The following DOCK9 variants were observed in gnomAD, a reference collection of about 807,000 sequenced individuals.
DOCK9 encodes dedicator of cytokinesis 9, also known as dedicator of cytokinesis protein 9.
Under a neutral mutation model 263.3 loss-of-function variants are expected in DOCK9, and 89 were observed. The observed-to-expected ratio is 0.34, with a 90% CI of 0.28 to 0.40. DOCK9 has a LOEUF of 0.40. Ranked by LOEUF, DOCK9 falls within the 10% of genes least tolerant of loss-of-function variation. The pLI, the probability that DOCK9 is intolerant of heterozygous loss-of-function variation, is 1.00. For synonymous variants in DOCK9, 976 were observed against 973.1 expected (o/e 1.00, Z -0.06); for missense variants, 2,140 against 2,603.4 (o/e 0.82, Z 3.87).
At chr13:99,029,375 CT>C (rs1887098142) in intron 1 of DOCK9, among the ~76,000 whole-genome samples, 2 of 152,160 alleles carry the variant, frequency 1.3e-5, no homozygotes, top group African/African-American at 4.8e-5. Context: ...TTAGTATTTG[CT>C]TTTTATCTTT....
chr13:98,794,816 TGTGTGACACAATGTTACCAA>T lies in DOCK9; in HGVS notation c.6157-88_6157-69del, dbSNP rs2089148486. ...TACCATATGCAATGCCATGTTGCCA[TGTGTGACACAATGTTACCAA>T]GTGTAACAAAATGTTACAGAGTTTA... is the stretch of plus-strand genomic sequence containing the variant. On this transcript the variant is annotated intron_variant, in intron 52 of 52. Transcript: ENST00000682017. 2.6e-6 allele frequency: 4 copies of T among 1,556,010 alleles called. No homozygotes were observed. In the African/African-American group the frequency reaches 5.4e-5, roughly 21 times the overall value.
chr13:98,956,043 C>A (rs1246731451), intron 1 of DOCK9, among the ~76,000 whole-genome samples: 2 of 152,206 alleles, frequency 1.3e-5, no homozygotes, highest in Admixed American at 1.3e-4. Context: ...CCCTGCCTAT[C>A]CCCAGATATC....
chr13:98,822,695 A>AC (rs2092343541), intron 45 of DOCK9, among the ~76,000 whole-genome samples: 1 of 151,818 alleles, frequency 6.6e-6, no homozygotes, highest in Non-Finnish European at 1.5e-5. Flanking sequence ...AAACAAACAA[A>AC]AAAGACCATC....
chr13:98,950,867 G>A (rs2057330225), intron 2 of DOCK9, among the ~76,000 whole-genome samples: 4 of 152,136 alleles, frequency 2.6e-5, no homozygotes, highest in Admixed American at 2.6e-4. Flanking sequence ...CCCACCAACA[G>A]GACCATCTGG....
chr13:98,851,656 A>G (rs574010080), intron 35 of DOCK9, among the ~76,000 whole-genome samples: 3 of 152,354 alleles, frequency 2.0e-5, no homozygotes, highest in Admixed American at 6.5e-5. Flanking sequence ...TGCTCATTAA[A>G]TGTGGAATAA....
At chr13:98,915,279 A>G (rs765905156) in intron 8 of DOCK9, 50 bp downstream of exon 8, 2 of 1,560,648 alleles carry the variant, frequency 1.3e-6, no homozygotes, top group Non-Finnish European at 8.6e-7. Context: ...GGCAAAAATA[A>G]AGACACCCAC....
At chr13:98,858,456 A>AGATGTAAGG (rs1354927196) in intron 33 of DOCK9, 1 of 152,198 alleles carries the variant, frequency 6.6e-6, no homozygotes, top group Non-Finnish European at 1.5e-5. Context: ...CTTCTAACAG[A>AGATGTAAGG]GATGTAAGGA....
chr13:99,048,083 G>A (rs1437225532), intron 1 of DOCK9, among the ~76,000 whole-genome samples: 2 of 152,184 alleles, frequency 1.3e-5, no homozygotes, highest in Non-Finnish European at 2.9e-5. Flanking sequence ...ACTGATGTCC[G>A]ATGACAGTTC....
chr13:99,060,247 T>C (rs530898389), intron 1 of DOCK9, among the ~76,000 whole-genome samples: 1 of 151,892 alleles, frequency 6.6e-6, no homozygotes, highest in Non-Finnish European at 1.5e-5. Flanking sequence ...CTAAATTTTT[T>C]TGTATTTTTT....
intron 1 of DOCK9, among the ~76,000 whole-genome samples, chr13:99,076,797 C>G (rs183801313): frequency 6.6e-6 from 1 of 151,854 alleles, no homozygotes; most frequent in Non-Finnish European, 1.5e-5. Flanking sequence ...CCAGGCCCTG[C>G]GAAAACCACG....
At chr13:98,812,188 AT>A (rs1252406635) in intron 45 of DOCK9, among the ~76,000 whole-genome samples, 4 of 47,048 alleles carry the variant, frequency 8.5e-5, no homozygotes, top group East Asian at 9.7e-4. Context: ...TTTTTAAGGG[AT>A]TTTTTTTCAG....
rs190761498 is a variant in DOCK9 at position 98,969,256 on chromosome 13, G to C, written c.126+8528C>G. Among the ~76,000 whole-genome samples, 704 of 152,278 alleles carry C rather than the reference G, an allele frequency of 4.6e-3. 5 individuals are homozygous for C. Among genetic ancestry groups the C allele is most frequent in the Middle Eastern group, 0.037 (11 of 294 alleles). ...AATAGCCACGTCCCATGTAAGTCCA[G>C]CATGTTCCTCTACTTGCATCCCTTT... On this transcript the variant is annotated intron_variant, in intron 1 of 52. Transcript: ENST00000682017.
intron 1 of DOCK9, among the ~76,000 whole-genome samples, chr13:98,995,290 G>A (rs1350825121): frequency 6.6e-6 from 1 of 152,164 alleles, no homozygotes; most frequent in African/African-American, 2.4e-5. Context: ...CAGCAAGCAG[G>A]CTGGAAGGAA....
intron 1 of DOCK9, among the ~76,000 whole-genome samples, chr13:99,018,389 C>T (rs1009936260): frequency 5.9e-5 from 9 of 152,344 alleles, no homozygotes; most frequent in African/African-American, 1.9e-4. Context: ...CCCTTACCAG[C>T]TGCTGCTGCC....
chr13:98,920,938 C>T lies in DOCK9; in HGVS notation c.717+16G>A. 2 of 1,581,246 alleles carry T rather than the reference C, an allele frequency of 1.3e-6. No homozygotes were observed. Among genetic ancestry groups the T allele is most frequent in the Non-Finnish European group, 1.7e-6 (2 of 1,165,082 alleles). Reference sequence around the variant, plus strand: ...CAGATAAGAAAACATAATGGTAAAACTCTTTTCATATTTACCTGAACGACA... The same window carrying T: ...CAGATAAGAAAACATAATGGTAAAATTCTTTTCATATTTACCTGAACGACA... On this transcript the variant is annotated intron_variant, in intron 7 of 52. Transcript: ENST00000682017.
chr13:98,987,710 C>A (rs1359851928), intron 1 of DOCK9, among the ~76,000 whole-genome samples: 1 of 152,210 alleles, frequency 6.6e-6, no homozygotes, highest in Non-Finnish European at 1.5e-5. Context: ...TTCAATTTAA[C>A]CCTCGATGCT....
chr13:99,055,450 G>A (rs774831596), intron 1 of DOCK9, among the ~76,000 whole-genome samples: 1 of 152,176 alleles, frequency 6.6e-6, no homozygotes, highest in African/African-American at 2.4e-5. Context: ...CCTCCAGTGC[G>A]GGGAAGGGGG....
At chr13:99,077,774 C>A (rs910269607) in intron 1 of DOCK9, among the ~76,000 whole-genome samples, 2 of 152,202 alleles carry the variant, frequency 1.3e-5, no homozygotes, top group Non-Finnish European at 2.9e-5. Flanking sequence ...GCCACACAGA[C>A]CTGCCACATT....
At chr13:98,801,434 T>A (rs2090094940) in intron 49 of DOCK9, among the ~76,000 whole-genome samples, 2 of 152,134 alleles carry the variant, frequency 1.3e-5, no homozygotes, top group Non-Finnish European at 2.9e-5. Context: ...CAGCAATGAA[T>A]AAGAAATAAA....
Sources: gnomAD v4.1 joint callset for allele counts (sites outside exome capture counted in the v4.1 genomes callset) on GRCh38, gnomAD v4.1.1 for gene constraint, MANE v1.5 for transcripts, NCBI Gene and HGNC (gene_info 2026-07-23, HGNC 2026-07-21) for gene names.